L3MBTL3: variants seen among roughly 807,000 people sequenced by gnomAD.
The protein encoded by L3MBTL3 is lethal(3)malignant brain tumor-like protein 3.
Under a neutral mutation model 102.3 loss-of-function variants are expected in L3MBTL3, and 27 were observed. The ratio of observed to expected loss-of-function variants is 0.26; its 90% CI spans 0.19 to 0.36. The LOEUF (loss-of-function observed/expected upper bound fraction) is 0.36, where lower values mean the gene tolerates loss of function less well. L3MBTL3 is among the 10% of genes least tolerant of loss of function. L3MBTL3 has a pLI of 1.00. For missense variants in L3MBTL3, 798 were observed against 955.3 expected (o/e 0.84, Z 2.17); for synonymous variants, 340 against 320.9 (o/e 1.06, Z -0.64).
intron 1 of L3MBTL3, among the ~76,000 whole-genome samples, chr6:130,021,196 G>A (rs1169776879): frequency 6.6e-6 from 1 of 152,182 alleles, no homozygotes; most frequent in Non-Finnish European, 1.5e-5. Flanking sequence ...AATAGCGAAC[G>A]TGCAAAACTG....
intron 2 of L3MBTL3, among the ~76,000 whole-genome samples, chr6:130,023,592 T>G (rs564567189): frequency 1.3e-5 from 2 of 152,338 alleles, no homozygotes; most frequent in South Asian, 4.1e-4. Context: ...TATGTCACTC[T>G]ACCTCCTTCA....
At chr6:130,139,022 C>G (rs954185376) in intron 22 of L3MBTL3, among the ~76,000 whole-genome samples, 1 of 152,154 alleles carries the variant, frequency 6.6e-6, no homozygotes, top group African/African-American at 2.4e-5. Flanking sequence ...ACCTTAAAGT[C>G]AGTGACTCGT....
chr6:130,068,518 T>C, intron 12 of L3MBTL3, 97 bp downstream of exon 12: 1 of 651,196 alleles, frequency 1.5e-6, no homozygotes, highest in South Asian at 2.0e-5. Flanking sequence ...TATAATAAAT[T>C]TTATCGCCTT....
chr6:130,021,737 T>C (rs1249326074), intron 1 of L3MBTL3, among the ~76,000 whole-genome samples: 1 of 152,232 alleles, frequency 6.6e-6, no homozygotes, highest in African/African-American at 2.4e-5. Context: ...TGTATAGTTA[T>C]GTATAGTCCG....
rs928972373 is a variant in L3MBTL3, at chr6:130,140,705, A to C, written c.*952A>C. On this transcript the variant is annotated 3_prime_UTR_variant, in exon 23 of 23. Coordinates refer to ENST00000361794, the MANE Select transcript of L3MBTL3 (RefSeq NM_032438.4). ...ACAGAGACTAAGAGCTCATTCTGTC[A>C]ACAGAAACACTAATCTGTACAGAGC... 4 of 152,210 alleles carry C rather than the reference A, an allele frequency of 2.6e-5. No individual in the cohort carries two copies. The highest frequency in any genetic ancestry group is 4.4e-5 in the Non-Finnish European group (3 of 68,046). The allele number at this position is 152,210 out of a possible 1,614,324, so 9.4% of individuals were successfully genotyped here.
rs777919759 is a variant in L3MBTL3, at chr6:130,071,021, G to A, written c.1138G>A (p.Val380Ile). ...GFRVGMKLEAVDKKNPSFICV... is the reference protein window; with the variant it reads ...GFRVGMKLEAIDKKNPSFICV... ...TCGAGTTGGTATGAAGCTTGAGGCA[G>A]TAGACAAAAAGAATCCCTCATTCAT... The change falls in exon 13 of 23, where the codon GTA becomes ATA. Residue 380 changes from valine (V) to isoleucine (I), a missense_variant. Around this residue, in one of 4 missense-constraint regions of L3MBTL3, gnomAD observed 434 missense variants for 506.6 expected, o/e 0.86. Coordinates refer to ENST00000361794, the MANE Select transcript of L3MBTL3 (RefSeq NM_032438.4). 3.1e-6 allele frequency: 5 copies of A among 1,613,108 alleles called. No homozygotes were observed. The South Asian group carries it at 5.5e-5, about 18-fold the overall frequency.
At chr6:130,096,141 G>A (rs1370884936) in intron 18 of L3MBTL3, among the ~76,000 whole-genome samples, 1 of 152,066 alleles carries the variant, frequency 6.6e-6, no homozygotes, top group Admixed American at 6.6e-5. Flanking sequence ...GTGAGGCCAC[G>A]GGGGGTACTG....
At chr6:130,030,903 T>A (rs35398833) in intron 2 of L3MBTL3, among the ~76,000 whole-genome samples, 10 of 152,122 alleles carry the variant, frequency 6.6e-5, no homozygotes, top group African/African-American at 1.9e-4. Context: ...AGGCTGATAT[T>A]GATAATATCC....
chr6:130,053,827 T>C (rs1177871654), intron 7 of L3MBTL3, among the ~76,000 whole-genome samples: 1 of 152,228 alleles, frequency 6.6e-6, no homozygotes, highest in Non-Finnish European at 1.5e-5. Flanking sequence ...ATCGGTATTG[T>C]ACAACTGTTA....
At chr6:130,059,067 T>A (rs1285819736) in intron 9 of L3MBTL3, among the ~76,000 whole-genome samples, 7 of 152,082 alleles carry the variant, frequency 4.6e-5, no homozygotes, top group African/African-American at 1.4e-4. Context: ...GAGAAGAGAC[T>A]TTTTCACATT....
intron 2 of L3MBTL3, among the ~76,000 whole-genome samples, chr6:130,037,930 C>T (rs1032663699): frequency 6.6e-6 from 1 of 151,788 alleles, no homozygotes; most frequent in African/African-American, 2.4e-5. Flanking sequence ...TCTATTGCCT[C>T]CCTCCCACCC....
At chr6:130,039,375 T>G (rs1780273225) in intron 2 of L3MBTL3, among the ~76,000 whole-genome samples, 1 of 152,156 alleles carries the variant, frequency 6.6e-6, no homozygotes, top group African/African-American at 2.4e-5. Context: ...CATTCATACT[T>G]TCCTTCCTAA....
At chr6:130,021,192 G>T (rs1226864185) in intron 1 of L3MBTL3, among the ~76,000 whole-genome samples, 2 of 152,170 alleles carry the variant, frequency 1.3e-5, no homozygotes, top group African/African-American at 4.8e-5. Flanking sequence ...GCAAAATAGC[G>T]AACGTGCAAA....
intron 9 of L3MBTL3, among the ~76,000 whole-genome samples, chr6:130,058,436 G>A (rs115058205): frequency 2.7e-5 from 4 of 150,942 alleles, no homozygotes; most frequent in African/African-American, 7.3e-5. Context: ...CCAGGAGTTC[G>A]AGATCAGTCT....
chr6:130,030,716 G>C (rs1180380463), intron 2 of L3MBTL3, among the ~76,000 whole-genome samples: 2 of 151,052 alleles, frequency 1.3e-5, no homozygotes, highest in Admixed American at 6.6e-5. Flanking sequence ...AGGCACTGGG[G>C]CTCCAAAGCC....
At chr6:130,039,685 C>T (rs1780296138) in intron 2 of L3MBTL3, among the ~76,000 whole-genome samples, 3 of 151,750 alleles carry the variant, frequency 2.0e-5, no homozygotes, top group African/African-American at 7.3e-5. Flanking sequence ...TATATATAAG[C>T]ATAATTTTTA....
chr6:130,044,896 C>T (rs920371496), intron 3 of L3MBTL3, among the ~76,000 whole-genome samples: 2 of 152,142 alleles, frequency 1.3e-5, no homozygotes, highest in African/African-American at 4.8e-5. Context: ...AATTTTCTCT[C>T]ACTTCATTCT....
chr6:130,127,345 G>C (rs538000995), intron 20 of L3MBTL3, among the ~76,000 whole-genome samples: 1 of 152,306 alleles, frequency 6.6e-6, no homozygotes, highest in Non-Finnish European at 1.5e-5. Flanking sequence ...GAAGGTCAAA[G>C]GGAGACCTTG....
At position 130,055,136 on chromosome 6, in the gene L3MBTL3, A is replaced by C. The variant is rs775632510; in HGVS notation, c.583-35A>C. ...ACTATTCACTGGTGCCAATTTCTTG[A>C]ACTTTAAAGTCATAATTTTCCTTTC... is the stretch of plus-strand genomic sequence containing the variant. On this transcript the variant is annotated intron_variant, in intron 7 of 22. Transcript: ENST00000361794. The C allele has an allele frequency of 3.2e-6, 5 of 1,543,124 alleles. No individual in the cohort carries two copies. In the African/African-American group the frequency reaches 5.4e-5, roughly 17 times the overall value.
Sources: gnomAD v4.1 joint callset for allele counts (sites outside exome capture counted in the v4.1 genomes callset) on GRCh38, gnomAD v4.1.1 for gene constraint, gnomAD v4.1.1 regional missense constraint, MANE v1.5 for transcripts, NCBI Gene and HGNC (gene_info 2026-07-23, HGNC 2026-07-21) for gene names.